The following ROBO1 variants were observed in gnomAD, a reference collection of about 807,000 sequenced individuals.
The protein encoded by ROBO1 is roundabout homolog 1.
A neutral mutation model predicts 195.9 loss-of-function variants in ROBO1; 149 were observed. That is an observed-to-expected ratio of 0.76 (90% confidence interval 0.67 to 0.87). The LOEUF (loss-of-function observed/expected upper bound fraction) is 0.87. Ranked by LOEUF, ROBO1 falls within the 40% of genes least tolerant of loss-of-function variation. The pLI, the probability that ROBO1 is intolerant of heterozygous loss-of-function variation, is 0.00. For synonymous variants in ROBO1, 816 were observed against 733.2 expected (o/e 1.11, Z -1.82); for missense variants, 1,933 against 2,068.3 (o/e 0.93, Z 1.27).
intron 1 of ROBO1, among the ~76,000 whole-genome samples, chr3:79,728,851 T>C (rs909763860): frequency 6.6e-6 from 1 of 152,154 alleles, no homozygotes; most frequent in Non-Finnish European, 1.5e-5. Context: ...GAAAGCACTA[T>C]AGTTTGGCAT....
intron 1 of ROBO1, among the ~76,000 whole-genome samples, chr3:79,627,571 C>T (rs751024644): frequency 6.6e-6 from 1 of 152,038 alleles, no homozygotes; most frequent in African/African-American, 2.4e-5. Context: ...TACGAAATAC[C>T]ATTTAGGACA....
In ROBO1 at chr3:78,793,787, C is replaced by T. The variant is rs180678643; in HGVS notation, c.500-46887G>A. Among the ~76,000 whole-genome samples, 168 of 151,440 alleles carry T rather than the reference C, an allele frequency of 1.1e-3. 1 individual carries two copies. Among genetic ancestry groups the T allele is most frequent in the African/African-American group, 4.0e-3 (164 of 41,258 alleles). ...TTTTTAATTTTGAGATAGTTTTGGCCATATGAATGTGTCAACTGATATTCA... is the reference window on the plus strand; with the variant it reads ...TTTTTAATTTTGAGATAGTTTTGGCTATATGAATGTGTCAACTGATATTCA... On this transcript the variant is annotated intron_variant, in intron 4 of 30. Transcript: ENST00000464233.
At chr3:78,638,261 G>GTA (rs936537317) in intron 22 of ROBO1, among the ~76,000 whole-genome samples, 7 of 135,938 alleles carry the variant, frequency 5.1e-5, no homozygotes, top group South Asian at 4.4e-4. Flanking sequence ...ATACATATAT[G>GTA]TATATGTGTA....
At chr3:78,610,544 A>T (rs1703749929) in intron 28 of ROBO1, among the ~76,000 whole-genome samples, 1 of 152,142 alleles carries the variant, frequency 6.6e-6, no homozygotes, top group Non-Finnish European at 1.5e-5. Flanking sequence ...TTGCGAACGC[A>T]GATTATCAGG....
intron 1 of ROBO1, among the ~76,000 whole-genome samples, chr3:79,740,210 T>A (rs1038317284): frequency 8.4e-6 from 1 of 118,402 alleles, no homozygotes; most frequent in Non-Finnish European, 1.7e-5. Flanking sequence ...AAAATATATA[T>A]ATTTATATAT....
chr3:79,290,079 C>T (rs1027196833), intron 2 of ROBO1, among the ~76,000 whole-genome samples: 1 of 152,092 alleles, frequency 6.6e-6, no homozygotes, highest in Non-Finnish European at 1.5e-5. Context: ...CACTCTGCCA[C>T]CCAGGCTAGA....
At chr3:79,087,711 G>A (rs971022388) in intron 3 of ROBO1, among the ~76,000 whole-genome samples, 1 of 151,768 alleles carries the variant, frequency 6.6e-6, no homozygotes, top group Admixed American at 6.6e-5. Flanking sequence ...AAATTTGAAA[G>A]ACTAATAATA....
rs367744334 is a variant in ROBO1 at position 79,178,278 on chromosome 3, A to T, written c.89-52739T>A. On this transcript the variant is annotated intron_variant, in intron 2 of 30. Transcript: ENST00000464233. ...AGAGTAATCCATTTTAGAGAATCTG[A>T]AGTATGTTTGAAAAATAGCAGTAAA... 2.8e-3 allele frequency among the ~76,000 whole-genome samples: 425 copies of T among 152,366 alleles called. 2 individuals carry two copies. The highest frequency in any genetic ancestry group is 9.7e-3 in the African/African-American group (404 of 41,600).
chr3:78,884,647 GAA>G (rs763003712), intron 4 of ROBO1, among the ~76,000 whole-genome samples: 7,656 of 71,048 alleles, frequency 0.11, 413 homozygotes, highest in African/African-American at 0.18. Flanking sequence ...AAGAAAGAAA[GAA>G]AGGAAGGAAG....
At position 78,795,113 on chromosome 3, in the gene ROBO1, G is replaced by A. The variant is rs2084144693; in HGVS notation, c.500-48213C>T. Among the ~76,000 whole-genome samples, 3 of 152,184 alleles carry A rather than the reference G, an allele frequency of 2.0e-5. No homozygotes were observed. In the South Asian group the frequency reaches 6.2e-4, roughly 32 times the overall value. ...CCTTGCAGAAAAAAAAATTTGGCCTGTAAAAAGATAGCATTCCCTTCCAAT... is the reference window on the plus strand; with the variant it reads ...CCTTGCAGAAAAAAAAATTTGGCCTATAAAAAGATAGCATTCCCTTCCAAT... On this transcript the variant is annotated intron_variant, in intron 4 of 30. Coordinates refer to ENST00000464233, the MANE Select transcript of ROBO1 (RefSeq NM_002941.4).
At chr3:79,218,595 A>G (rs939169793) in intron 2 of ROBO1, among the ~76,000 whole-genome samples, 8 of 152,078 alleles carry the variant, frequency 5.3e-5, no homozygotes, top group African/African-American at 1.9e-4. Context: ...AAAGTATTGC[A>G]TGAAAGAGTA....
rs201748524 is a variant in ROBO1, at chr3:78,954,153, GA to G, written c.173-15227del. ...AGAGCATCTTTCAAAAGACAGAAAA[GA>G]AAAAAAAAACTAGAGCATTTAGCAG... On this transcript the variant is annotated intron_variant, in intron 3 of 30. Coordinates refer to ENST00000464233, the MANE Select transcript of ROBO1 (RefSeq NM_002941.4). Among the ~76,000 whole-genome samples the G allele has an allele frequency of 3.4e-5, 5 of 146,984 alleles. 1 individual carries two copies. The highest frequency in any genetic ancestry group is 4.3e-4 in the South Asian group (2 of 4,656).
chr3:79,623,110 C>T (rs1945059809), intron 1 of ROBO1, among the ~76,000 whole-genome samples: 1 of 151,436 alleles, frequency 6.6e-6, no homozygotes, highest in African/African-American at 2.4e-5. Context: ...GAAAAACGAA[C>T]CTACAGAAAG....
intron 3 of ROBO1, among the ~76,000 whole-genome samples, chr3:79,099,428 A>T (rs899859359): frequency 2.0e-5 from 3 of 151,768 alleles, no homozygotes; most frequent in Non-Finnish European, 4.4e-5. Flanking sequence ...ACAAAATAAG[A>T]CCTTTTGGAG....
At chr3:79,051,989 T>C (rs962581503) in intron 3 of ROBO1, among the ~76,000 whole-genome samples, 1 of 152,072 alleles carries the variant, frequency 6.6e-6, no homozygotes. Flanking sequence ...GTAAAACATA[T>C]GTGTTTGAAC....
chr3:79,079,657 A>G (rs931413283), intron 3 of ROBO1, among the ~76,000 whole-genome samples: 1 of 151,820 alleles, frequency 6.6e-6, no homozygotes, highest in African/African-American at 2.4e-5. Flanking sequence ...ATTAAACATC[A>G]CCAGTGAAAG....
chr3:79,514,545 T>C (rs1940860205), intron 2 of ROBO1, among the ~76,000 whole-genome samples: 1 of 152,142 alleles, frequency 6.6e-6, no homozygotes, highest in Admixed American at 6.5e-5. Context: ...TTTAAAATAA[T>C]CTGTACTGGT....
intron 2 of ROBO1, among the ~76,000 whole-genome samples, chr3:79,381,084 C>T (rs1266751856): frequency 1.3e-5 from 2 of 152,028 alleles, no homozygotes; most frequent in Admixed American, 6.5e-5. Context: ...TGCGGCTGGG[C>T]GCGGTGGCTC....
chr3:79,698,486 T>C (rs1947512941), intron 1 of ROBO1, among the ~76,000 whole-genome samples: 2 of 151,462 alleles, frequency 1.3e-5, no homozygotes, highest in African/African-American at 4.8e-5. Context: ...ATATGATAGA[T>C]AATAATTTGA....
Sources: gnomAD v4.1 joint callset for allele counts (sites outside exome capture counted in the v4.1 genomes callset) on GRCh38, gnomAD v4.1.1 for gene constraint, MANE v1.5 for transcripts, NCBI Gene and HGNC (gene_info 2026-07-23, HGNC 2026-07-21) for gene names.